ZNF280B: variants seen among roughly 807,000 people sequenced by gnomAD.
ZNF280B encodes suppressor of hairy wing homolog 2.
In ZNF280B, 16 loss-of-function variants were observed where a neutral mutation model predicts 38.0. That is an observed-to-expected ratio of 0.42 (90% CI 0.28 to 0.64). ZNF280B has a LOEUF of 0.64. ZNF280B is among the 30% of genes least tolerant of loss of function. ZNF280B has a pLI of 0.21. For synonymous variants in ZNF280B, 253 were observed against 230.6 expected (o/e 1.10, Z -0.88); for missense variants, 581 against 639.6 (o/e 0.91, Z 0.99).
intron 3 of ZNF280B, among the ~76,000 whole-genome samples, chr22:22,492,702 T>C (rs2146780432): frequency 6.6e-6 from 1 of 151,868 alleles, no homozygotes; most frequent in South Asian, 2.1e-4. Flanking sequence ...CTGGCCAACA[T>C]AGTGAAACCC....
intron 2 of ZNF280B, among the ~76,000 whole-genome samples, chr22:22,505,972 A>G (rs1198543014): frequency 6.6e-6 from 1 of 151,878 alleles, no homozygotes; most frequent in Non-Finnish European, 1.5e-5. Flanking sequence ...TGAACAAAAG[A>G]TGATGGTAGT....
rs1339445796 is a variant in ZNF280B, at chr22:22,489,162, T to C, written c.237A>G (p.Arg79=). The change falls in exon 4 of 4, where the codon AGA becomes AGG. Residue 79 remains arginine (R), a synonymous_variant. Transcript: ENST00000626650. ...WSRRKKYDHL[R]KDTARKLQPK... is the part of the protein sequence containing the mutation. ...GCTGCAATTTGCGAGCAGTATCTTT[T>C]CTAAGGTGATCATACTTTTTTCTCC... 1 of 1,613,748 alleles carries C rather than the reference T, an allele frequency of 6.2e-7. No homozygotes were observed. Among genetic ancestry groups the C allele is most frequent in the Non-Finnish European group, 8.5e-7 (1 of 1,179,960 alleles).
At position 22,488,658 on chromosome 22, in the gene ZNF280B, C is replaced by T. The variant is rs2061535742; in HGVS notation, c.741G>A (p.Lys247=). 6.2e-7 allele frequency: 1 copy of T among 1,613,816 alleles called. No individual in the cohort carries two copies. Among genetic ancestry groups the T allele is most frequent in the Non-Finnish European group, 8.5e-7 (1 of 1,179,956 alleles). ...CCCTATCAAGATTTGTATTTATAGG[C>T]TTGAAATGGATATTGTCCTTTGGAA... is the stretch of plus-strand genomic sequence containing the variant. The part of the protein sequence containing the change: ...AAFPKDNIHF[K]PINTNLDRAN... The change falls in exon 4 of 4, where the codon AAG becomes AAA. Residue 247 remains lysine (K), a synonymous_variant. Coordinates refer to ENST00000626650, the MANE Select transcript of ZNF280B (RefSeq NM_080764.4).
intron 3 of ZNF280B, among the ~76,000 whole-genome samples, chr22:22,490,695 TTA>T (rs1312575205): frequency 6.6e-6 from 1 of 151,860 alleles, no homozygotes; most frequent in Non-Finnish European, 1.5e-5. Flanking sequence ...CTTGAATTCC[TTA>T]TCTCAGGTGA....
intron 2 of ZNF280B, among the ~76,000 whole-genome samples, chr22:22,500,610 C>T (rs1474795884): frequency 6.6e-6 from 1 of 151,736 alleles, no homozygotes; most frequent in Non-Finnish European, 1.5e-5. Flanking sequence ...AATCCCAGGA[C>T]TTTGGGAGGC....
At position 22,488,758 on chromosome 22, in the gene ZNF280B, T is replaced by A; in HGVS notation, c.641A>T (p.Gln214Leu). The A allele has an allele frequency of 6.2e-7, 1 of 1,613,894 alleles. No homozygotes were observed. Among genetic ancestry groups the A allele is most frequent in the South Asian group, 1.1e-5 (1 of 91,070 alleles). Residue 214 changes from glutamine (Q) to leucine (L), a missense_variant, in exon 4 of 4, where the codon CAG (glutamine) becomes CTG (leucine). Transcript: ENST00000626650. The stretch of plus-strand genomic sequence containing the variant: ...AACATTATTTGAGGGTGTACTTTGC[T>A]GAGTATTCATTGTATGAAAGGTATC... ...PSDTFHTMNT[Q>L]QSTPSNNVHT...
chr22:22,486,224 C>T lies in ZNF280B; in HGVS notation c.*1543G>A, dbSNP rs1474003837. ...GCAAGACATAAAGTTGCAAGCTTCA[C>T]ATGTTCAATTAGGGTAAGATATATA... On this transcript the variant is annotated 3_prime_UTR_variant, in exon 4 of 4. Coordinates refer to ENST00000626650, the MANE Select transcript of ZNF280B (RefSeq NM_080764.4). 8 of 152,032 alleles carry T rather than the reference C, an allele frequency of 5.3e-5. No homozygotes were observed. Among genetic ancestry groups the T allele is most frequent in the Non-Finnish European group, 8.8e-5 (6 of 68,020 alleles). 9.4% of individuals were successfully genotyped at this position (152,032 alleles called of 1,614,324 possible). A position where few individuals can be genotyped will look rare whatever the true frequency, so the allele number is the denominator to read the frequency against.
chr22:22,499,083 G>A (rs1024215535), intron 2 of ZNF280B, among the ~76,000 whole-genome samples: 2 of 151,646 alleles, frequency 1.3e-5, no homozygotes, highest in Non-Finnish European at 2.9e-5. Context: ...ACAGGCGTGA[G>A]CCACTGTGCC....
chr22:22,504,539 T>C (rs1218178717), intron 2 of ZNF280B, among the ~76,000 whole-genome samples: 6 of 151,948 alleles, frequency 3.9e-5, no homozygotes, highest in Non-Finnish European at 7.4e-5. Flanking sequence ...TAAGGTAATA[T>C]TGCTGCATTA....
chr22:22,498,713 C>G (rs2061749642), intron 2 of ZNF280B, among the ~76,000 whole-genome samples: 1 of 148,228 alleles, frequency 6.7e-6, no homozygotes, highest in South Asian at 2.2e-4. Context: ...GCACATCTTT[C>G]TATGAGGCTA....
Position 22,487,701 on chromosome 22 carries a change from T to G in ZNF280B, c.*66A>C. The G allele has an allele frequency of 7.2e-7, 1 of 1,382,578 alleles. No homozygotes were observed. Among genetic ancestry groups the G allele is most frequent in the South Asian group, 1.4e-5 (1 of 69,762 alleles). 85.6% of individuals were successfully genotyped at this position (1,382,578 alleles called of 1,614,324 possible). A position where few individuals can be genotyped will look rare whatever the true frequency, so the allele number is the denominator to read the frequency against. On this transcript the variant is annotated 3_prime_UTR_variant, in exon 4 of 4. Coordinates refer to ENST00000626650, the MANE Select transcript of ZNF280B (RefSeq NM_080764.4). ...GCTACTGAATAATGTATGGTTTGTA[T>G]TTTTTGTTTTATGAGGTTTTTTAAT... is the stretch of plus-strand genomic sequence containing the variant.
chr22:22,488,610 G>A lies in ZNF280B; in HGVS notation c.789C>T (p.Asp263=), dbSNP rs1316765470. The change falls in exon 4 of 4, where the codon GAC becomes GAT. Residue 263 remains aspartate (D), a synonymous_variant. Transcript: ENST00000626650. ...TGTTTTGACTTGTTAGACTCAAAAT[G>A]TCTGTTTTTGCCAATTCATTTGCCC... is the stretch of plus-strand genomic sequence containing the variant. ...LDRANELAKT[D]ILSLTSQNKT... The A allele has an allele frequency of 1.2e-6, 2 of 1,613,780 alleles. No individual in the cohort carries two copies. The highest frequency in any genetic ancestry group is 1.7e-5 in the Admixed American group (1 of 59,982).
rs1265917109 is a variant in ZNF280B, at chr22:22,486,254, C to G, written c.*1513G>C. Reference sequence around the variant, plus strand: ...TCAATTAGGGTAAGATATATATGCACAGAAAAATATAAAGCCATTATGGGT... The same window carrying G: ...TCAATTAGGGTAAGATATATATGCAGAGAAAAATATAAAGCCATTATGGGT... On this transcript the variant is annotated 3_prime_UTR_variant, in exon 4 of 4. Coordinates refer to ENST00000626650, the MANE Select transcript of ZNF280B (RefSeq NM_080764.4). 1 of 152,096 alleles carries G rather than the reference C, an allele frequency of 6.6e-6. No individual in the cohort carries two copies. The highest frequency in any genetic ancestry group is 1.5e-5 in the Non-Finnish European group (1 of 68,010). 9.4% of individuals were successfully genotyped at this position (152,096 alleles called of 1,614,324 possible). A position where few individuals can be genotyped will look rare whatever the true frequency, so the allele number is the denominator to read the frequency against.
chr22:22,507,228 G>C (rs1362833815), intron 2 of ZNF280B, among the ~76,000 whole-genome samples: 1 of 151,944 alleles, frequency 6.6e-6, no homozygotes, highest in Non-Finnish European at 1.5e-5. Flanking sequence ...GAAACCTCAT[G>C]AGTGACCTTG....
chr22:22,496,105 CTTTTTTTTTTTT>C (rs34586676), intron 2 of ZNF280B, among the ~76,000 whole-genome samples: 1 of 114,696 alleles, frequency 8.7e-6, no homozygotes, highest in Non-Finnish European at 1.7e-5. Context: ...TGCGCCTGGC[CTTTTTTTTTTTT>C]TTTTTTTTTA....
At chr22:22,505,095 C>T (rs7284138) in intron 2 of ZNF280B, among the ~76,000 whole-genome samples, 8 of 151,954 alleles carry the variant, frequency 5.3e-5, no homozygotes, top group African/African-American at 1.5e-4. Flanking sequence ...GGGAAGAATA[C>T]TCCAACAAAG....
chr22:22,495,445 T>C (rs1343203154), intron 2 of ZNF280B, among the ~76,000 whole-genome samples: 1 of 151,754 alleles, frequency 6.6e-6, no homozygotes, highest in East Asian at 2.0e-4. Context: ...AACAGTCCAG[T>C]GGAGGAAGAA....
rs1569172493 is a variant in ZNF280B at position 22,488,066 on chromosome 22, TTGC to T, written c.1330_1332del (p.Ala444del). Reference sequence around the variant, plus strand: ...CCCCTATAATGACACATGTATGGTGTTGCTGTTTTGAAAATTTTGAGACAAAAG... The same window carrying T: ...CCCCTATAATGACACATGTATGGTGTTGTTTTGAAAATTTTGAGACAAAAG... On this transcript the variant is annotated inframe_deletion, in exon 4 of 4. Transcript: ENST00000626650. 1 of 1,613,934 alleles carries T rather than the reference TTGC, an allele frequency of 6.2e-7. No homozygotes were observed.
chr22:22,507,096 G>T, intron 2 of ZNF280B, among the ~76,000 whole-genome samples: 1 of 151,882 alleles, frequency 6.6e-6, no homozygotes, highest in East Asian at 2.0e-4. Context: ...CAGCCCCATG[G>T]AGAGGCCCAC....
Sources: allele counts gnomAD v4.1 joint callset (sites outside exome capture counted in the v4.1 genomes callset), GRCh38; gene constraint gnomAD v4.1.1; transcripts MANE v1.5; gene names NCBI Gene and HGNC (gene_info 2026-07-23, HGNC 2026-07-21).